The following DDX21 variants were observed in gnomAD, a reference collection of about 807,000 sequenced individuals.
DDX21 encodes the protein DExD-box helicase 21.
In DDX21, 18 loss-of-function variants were observed where a neutral mutation model predicts 90.0. That is an observed-to-expected ratio of 0.20 (90% CI 0.14 to 0.30). DDX21 has a LOEUF of 0.30. DDX21 is among the 10% of genes least tolerant of loss of function. DDX21 has a pLI of 1.00. For missense variants in DDX21, 673 were observed against 944.5 expected (o/e 0.71, Z 3.77); for synonymous variants, 294 against 318.0 (o/e 0.92, Z 0.80).
Position 68,969,206 on chromosome 10 carries a change from T to C in DDX21, c.1236+85T>C. On this transcript the variant is annotated intron_variant, in intron 7 of 14. Transcript: ENST00000354185. Reference sequence around the variant, plus strand: ...AGTATTAAGACTGGCAAATGCTCTTTTTCCAGATAAATACTAAATCCATGT... The same window carrying C: ...AGTATTAAGACTGGCAAATGCTCTTCTTCCAGATAAATACTAAATCCATGT... The C allele has an allele frequency of 5.4e-6, 7 of 1,299,340 alleles. No individual in the cohort carries two copies. In the South Asian group the frequency reaches 9.5e-5, roughly 18 times the overall value. 80.5% of individuals were successfully genotyped at this position (1,299,340 alleles called of 1,614,324 possible).
Position 68,973,684 on chromosome 10 carries a change from T to A in DDX21, c.1668+20T>A. 1 of 1,605,750 alleles carries A rather than the reference T, an allele frequency of 6.2e-7. No individual in the cohort carries two copies. The highest frequency in any genetic ancestry group is 8.5e-7 in the Non-Finnish European group (1 of 1,175,820). ...AAAGCGGTAAAACTATTCTTACCTT[T>A]CATTAAGCAAATGTTGAGTTCTAAA... is the stretch of plus-strand genomic sequence containing the variant. On this transcript the variant is annotated intron_variant, in intron 10 of 14. Coordinates refer to ENST00000354185, the MANE Select transcript of DDX21 (RefSeq NM_004728.4).
In DDX21 at chr10:68,959,965, C is replaced by G. The variant is rs141991731; in HGVS notation, c.247C>G (p.Pro83Ala). ...CAAAAAGGCAAAAAAGAAAGAGGAG[C>G]CATCTCAAAATGACATTTCTCCTAA... ...KSKKAKKKEEPSQNDISPKTK... is the reference protein window; with the variant it reads ...KSKKAKKKEEASQNDISPKTK... Residue 83 changes from proline to alanine, a missense_variant, in exon 2 of 15, where the codon CCA becomes GCA. Pro to Ala is a conservative substitution (Grantham distance 27). Transcript: ENST00000354185. 12 of 1,610,496 alleles carry G rather than the reference C, an allele frequency of 7.5e-6. No homozygotes were observed. In the African/African-American group the frequency reaches 1.5e-4, roughly 20 times the overall value.
intron 12 of DDX21, among the ~76,000 whole-genome samples, chr10:68,977,935 C>CT (rs1192319802): frequency 6.6e-6 from 1 of 151,440 alleles, no homozygotes; most frequent in Non-Finnish European, 1.5e-5. Flanking sequence ...TAGTGATACT[C>CT]TGTCTCTACA....
In DDX21 at chr10:68,959,924, T is replaced by C; in HGVS notation, c.206T>C (p.Met69Thr). The C allele has an allele frequency of 6.2e-7, 1 of 1,609,818 alleles. No individual in the cohort carries two copies. The highest frequency in any genetic ancestry group is 2.2e-5 in the East Asian group (1 of 44,854). Reference sequence around the variant, plus strand: ...AAAGCAGAGCCTTCTGAAGTTGACATGAATTCTCCTAAATCCAAAAAGGCA... The same window carrying C: ...AAAGCAGAGCCTTCTGAAGTTGACACGAATTCTCCTAAATCCAAAAAGGCA... ...KKKAEPSEVD[M>T]NSPKSKKAKK... Residue 69 changes from methionine to threonine, a missense_variant, in exon 2 of 15, where the codon ATG becomes ACG. Transcript: ENST00000354185.
chr10:68,956,447 G>C, intron 1 of DDX21, 135 bp downstream of exon 1: 1 of 1,489,646 alleles, frequency 6.7e-7, no homozygotes, highest in East Asian at 2.5e-5. Flanking sequence ...CGTGGGTCTT[G>C]GCGGGCGGTC....
At chr10:68,972,210 A>AC (rs1843036348) in intron 9 of DDX21, among the ~76,000 whole-genome samples, 158 bp downstream of exon 9, 1 of 152,082 alleles carries the variant, frequency 6.6e-6, no homozygotes, top group South Asian at 2.1e-4. Context: ...GTTATCAGAC[A>AC]CCCCCCTCAG....
At chr10:68,963,620 C>G (rs767377134) in intron 4 of DDX21, 151 bp downstream of exon 4, 1 of 558,788 alleles carries the variant, frequency 1.8e-6, no homozygotes, top group Non-Finnish European at 3.0e-6. Context: ...CAGGACAATT[C>G]TTTTATATTT....
chr10:68,970,955 A>ATTTTTTTTTT (rs56314802), intron 8 of DDX21, among the ~76,000 whole-genome samples: 4 of 72,520 alleles, frequency 5.5e-5, no homozygotes, highest in Non-Finnish European at 1.0e-4. Flanking sequence ...GCCCAGCCTA[A>ATTTTTTTTTT]TTTTTTTTTT....
At chr10:68,968,371 C>G (rs945026936) in intron 6 of DDX21, among the ~76,000 whole-genome samples, 6 of 152,098 alleles carry the variant, frequency 3.9e-5, no homozygotes, top group African/African-American at 1.4e-4. Context: ...CCAGGCTTGT[C>G]TTGATTCCTG....
In DDX21 at chr10:68,959,922, C is replaced by A. The variant is rs201516552; in HGVS notation, c.204C>A (p.Asp68Glu). The A allele has an allele frequency of 1.1e-4, 178 of 1,609,506 alleles. No homozygotes were observed. The Middle Eastern group carries it at 1.2e-3, about 11-fold the overall frequency. The change falls in exon 2 of 15, where the codon GAC becomes GAA. Residue 68 changes from aspartate (D) to glutamate (E), a missense_variant. Physicochemically the swap from Asp to Glu is conservative, Grantham distance 45. Coordinates refer to ENST00000354185, the MANE Select transcript of DDX21 (RefSeq NM_004728.4). ...VKKKAEPSEV[D>E]MNSPKSKKAK... ...AGAAAGCAGAGCCTTCTGAAGTTGA[C>A]ATGAATTCTCCTAAATCCAAAAAGG...
chr10:68,979,178 C>T (rs1320307015), intron 13 of DDX21, among the ~76,000 whole-genome samples: 1 of 152,206 alleles, frequency 6.6e-6, no homozygotes, highest in African/African-American at 2.4e-5. Context: ...ACCGTTCTCA[C>T]AATGCCAGAC....
intron 14 of DDX21, among the ~76,000 whole-genome samples, chr10:68,981,977 G>A (rs181625353): frequency 3.9e-5 from 6 of 152,020 alleles, no homozygotes; most frequent in Admixed American, 1.3e-4. Flanking sequence ...GGGTTCAAGC[G>A]ATTCTCTTGC....
At chr10:68,962,185 G>T (rs748032604) in intron 3 of DDX21, 28 bp downstream of exon 3, 1 of 1,506,476 alleles carries the variant, frequency 6.6e-7, no homozygotes, top group Non-Finnish European at 9.1e-7. Context: ...ATCGTATGAT[G>T]TTAGAACGTA....
chr10:68,981,652 T>C, intron 14 of DDX21, 71 bp downstream of exon 14: 1 of 1,298,638 alleles, frequency 7.7e-7, no homozygotes, highest in South Asian at 1.2e-5. Context: ...AAATAGAGAA[T>C]AATAGATTGG....
At chr10:68,964,286 G>A (rs1439006992) in intron 4 of DDX21, among the ~76,000 whole-genome samples, 2 of 152,090 alleles carry the variant, frequency 1.3e-5, no homozygotes, top group African/African-American at 4.8e-5. Flanking sequence ...GTGGGTTCTT[G>A]CAGTTGTCTT....
intron 1 of DDX21, among the ~76,000 whole-genome samples, chr10:68,959,172 A>C (rs1842840028): frequency 1.3e-5 from 2 of 152,162 alleles, no homozygotes. Flanking sequence ...CTGTTGGAGT[A>C]TCCCATGAGC....
chr10:68,958,583 C>T (rs1171461643), intron 1 of DDX21, among the ~76,000 whole-genome samples: 1 of 152,106 alleles, frequency 6.6e-6, no homozygotes, highest in Non-Finnish European at 1.5e-5. Flanking sequence ...ACTACAGGTG[C>T]GTGCCACCAT....
chr10:68,971,816 A>G (rs557463645), intron 8 of DDX21, 75 bp from the exon 9 acceptor site: 2 of 1,444,202 alleles, frequency 1.4e-6, no homozygotes, highest in Admixed American at 2.0e-5. Context: ...TGTCTTTTAC[A>G]GGCCTAACTG....
At position 68,984,660 on chromosome 10, in the gene DDX21, C is replaced by T. The variant is rs980186153; in HGVS notation, c.*1848C>T. The T allele has an allele frequency of 1.3e-5, 2 of 152,176 alleles. No individual in the cohort carries two copies. Among genetic ancestry groups the T allele is most frequent in the Admixed American group, 1.3e-4 (2 of 15,262 alleles). The allele number at this position is 152,176 out of a possible 1,614,324, so 9.4% of individuals were successfully genotyped here. The stretch of plus-strand genomic sequence containing the variant: ...AGATTAAAAGGATATGGTACCCGTC[C>T]TTTAGAAAAGAACAGCTAAAACCTT... On this transcript the variant is annotated 3_prime_UTR_variant, in exon 15 of 15. Coordinates refer to ENST00000354185, the MANE Select transcript of DDX21 (RefSeq NM_004728.4).
Sources: gnomAD v4.1 joint callset for allele counts (sites outside exome capture counted in the v4.1 genomes callset) on GRCh38, gnomAD v4.1.1 for gene constraint, MANE v1.5 for transcripts, NCBI Gene and HGNC (gene_info 2026-07-23, HGNC 2026-07-21) for gene names.